The following RBFOX1 variants were observed in gnomAD, a reference collection of about 807,000 sequenced individuals.
The protein encoded by RBFOX1 is RNA binding fox-1 homolog 1, also known as RNA binding protein fox-1 homolog 1.
RBFOX1 carries 8 observed loss-of-function variants against 57.7 expected under a neutral mutation model. That is an observed-to-expected ratio of 0.14 (90% CI 0.08 to 0.25). RBFOX1 has a LOEUF of 0.25. Among genes scored for constraint, RBFOX1 ranks in the 10% least tolerant of loss-of-function variants. RBFOX1 has a pLI of 1.00. For synonymous variants in RBFOX1, 326 were observed against 222.4 expected (o/e 1.47, Z -4.15); for missense variants, 611 against 548.5 (o/e 1.11, Z -1.14).
At position 5,947,872 on chromosome 16, in the gene RBFOX1, G is replaced by GT; in HGVS notation, c.351+80538dup. Among the ~76,000 whole-genome samples the GT allele has an allele frequency of 6.6e-6, 1 of 152,296 alleles. No individual in the cohort carries two copies. On this transcript the variant is annotated intron_variant, in intron 4 of 19. Transcript: ENST00000641259. The surrounding 1 kb of genome is among the most constrained non-coding windows in gnomAD (Gnocchi z 7.2). ...ACCTGTTGTAATTACCGGGCCACCC[G>GT]TAACGGGAGTTTATGTAATTATTAG...
At chr16:6,255,101 C>T (rs8061597) in intron 1 of RBFOX1, among the ~76,000 whole-genome samples, 1 of 152,016 alleles carries the variant, frequency 6.6e-6, no homozygotes, top group African/African-American at 2.4e-5. Context: ...TTCAGCTCAG[C>T]AGGCTGGGGA....
At chr16:5,888,035 C>T (rs888543875) in intron 4 of RBFOX1, among the ~76,000 whole-genome samples, 12 of 152,212 alleles carry the variant, frequency 7.9e-5, no homozygotes, top group South Asian at 2.1e-4. Flanking sequence ...TGCATTCCTG[C>T]AAGACAGCCT....
intron 4 of RBFOX1, among the ~76,000 whole-genome samples, chr16:7,477,602 G>A (rs981208307): frequency 2.0e-5 from 3 of 152,132 alleles, no homozygotes; most frequent in African/African-American, 4.8e-5. Context: ...CCTGAGTTTC[G>A]TGTTCCTGGG....
At chr16:5,255,594 A>T (rs1317586985) in intron 1 of RBFOX1, among the ~76,000 whole-genome samples, 1 of 151,138 alleles carries the variant, frequency 6.6e-6, no homozygotes, top group African/African-American at 2.4e-5. Context: ...CCCTCCACCC[A>T]TTCACCCACT....
chr16:6,187,435 T>C lies in RBFOX1; in HGVS notation c.-126-129560T>C, dbSNP rs147979898. 3.3e-5 allele frequency among the ~76,000 whole-genome samples: 5 copies of C among 152,136 alleles called. No individual in the cohort carries two copies. In the East Asian group the frequency reaches 9.7e-4, roughly 29 times the overall value. On this transcript the variant is annotated intron_variant, in intron 1 of 15. Transcript: ENST00000550418. ...GGCAGAGATAACAGGGATAAAAGATTGGGAATTTAGGCGGAAGTCAGACAG... is the reference window on the plus strand; with the variant it reads ...GGCAGAGATAACAGGGATAAAAGATCGGGAATTTAGGCGGAAGTCAGACAG...
chr16:5,892,722 A>C (rs894482456), intron 4 of RBFOX1, among the ~76,000 whole-genome samples: 1 of 152,182 alleles, frequency 6.6e-6, no homozygotes, highest in Non-Finnish European at 1.5e-5. Flanking sequence ...AGCACTCTCA[A>C]AGCCTGTCCA....
intron 3 of RBFOX1, among the ~76,000 whole-genome samples, chr16:6,905,495 G>A (rs1596747438): frequency 6.6e-6 from 1 of 151,442 alleles, no homozygotes; most frequent in African/African-American, 2.4e-5. Context: ...ATAGGTTGCA[G>A]TGAGCCAAGC....
intron 1 of RBFOX1, among the ~76,000 whole-genome samples, chr16:6,306,858 C>G (rs1268897367): frequency 6.6e-6 from 1 of 152,098 alleles, no homozygotes; most frequent in East Asian, 1.9e-4. Flanking sequence ...CCCCAAAACT[C>G]CCCCATTTAA....
chr16:7,195,819 C>T (rs2086562548), intron 4 of RBFOX1, among the ~76,000 whole-genome samples: 1 of 152,164 alleles, frequency 6.6e-6, no homozygotes, highest in South Asian at 2.1e-4. Context: ...TCCCAAAGTG[C>T]TGGGGTTACA....
intron 5 of RBFOX1, among the ~76,000 whole-genome samples, chr16:7,561,290 C>T (rs1272829736): frequency 1.3e-5 from 2 of 152,222 alleles, no homozygotes; most frequent in Non-Finnish European, 2.9e-5. Context: ...TTATGTACAG[C>T]ATGGCTTATG....
intron 1 of RBFOX1, among the ~76,000 whole-genome samples, chr16:6,284,497 G>A (rs921428015): frequency 6.6e-6 from 1 of 152,174 alleles, no homozygotes; most frequent in South Asian, 2.1e-4. Flanking sequence ...GGTGGGCTGC[G>A]AAGTTGGGAT....
chr16:7,449,228 C>G (rs2098832561), intron 4 of RBFOX1, among the ~76,000 whole-genome samples: 2 of 152,106 alleles, frequency 1.3e-5, no homozygotes, highest in South Asian at 2.1e-4. Flanking sequence ...CATGCCCAGC[C>G]TGACATTTTT....
intron 15 of RBFOX1, 199 bp from the exon 16 acceptor site, chr16:7,710,424 G>T: frequency 7.2e-7 from 1 of 1,397,020 alleles, no homozygotes; most frequent in Non-Finnish European, 9.2e-7. Flanking sequence ...GTTTTGCAGG[G>T]AATTTCTTTA....
chr16:5,683,927 T>C (rs1596740702), intron 3 of RBFOX1, among the ~76,000 whole-genome samples: 1 of 151,976 alleles, frequency 6.6e-6, no homozygotes, highest in East Asian at 1.9e-4. Context: ...TGAGCTTGAG[T>C]GCCTTACTTG....
At chr16:6,379,410 G>T (rs938040684) in intron 2 of RBFOX1, among the ~76,000 whole-genome samples, 1 of 151,868 alleles carries the variant, frequency 6.6e-6, no homozygotes, top group Admixed American at 6.6e-5. Flanking sequence ...AATGGCCCCC[G>T]CCCCCCTACT....
At chr16:5,573,392 C>T (rs1432735970) in intron 2 of RBFOX1, among the ~76,000 whole-genome samples, 1 of 152,190 alleles carries the variant, frequency 6.6e-6, no homozygotes, top group Non-Finnish European at 1.5e-5. Flanking sequence ...GTCATGATCA[C>T]TTTTGGGTGC....
chr16:7,530,126 G>A (rs190253095), intron 5 of RBFOX1, among the ~76,000 whole-genome samples: 38 of 152,106 alleles, frequency 2.5e-4, no homozygotes, highest in African/African-American at 8.2e-4. Context: ...TTCATAGAAT[G>A]TTAGAGCTTG....
chr16:7,119,694 C>G (rs565528559), intron 4 of RBFOX1, among the ~76,000 whole-genome samples: 1 of 152,058 alleles, frequency 6.6e-6, no homozygotes, highest in South Asian at 2.1e-4. Flanking sequence ...TATGCACAAA[C>G]TATGGGACTT....
chr16:7,584,413 A>C (rs1374050744), intron 6 of RBFOX1, among the ~76,000 whole-genome samples: 4 of 152,056 alleles, frequency 2.6e-5, no homozygotes, highest in African/African-American at 7.2e-5. Context: ...CTGCCTCAGC[A>C]TCCCAAGTAA....
Sources: allele counts gnomAD v4.1 joint callset (sites outside exome capture counted in the v4.1 genomes callset), GRCh38; gene constraint gnomAD v4.1.1; non-coding constraint Gnocchi (gnomAD v3.1); transcripts MANE v1.5; gene names NCBI Gene and HGNC (gene_info 2026-07-23, HGNC 2026-07-21).